NRXN1: variants seen among roughly 807,000 people sequenced by gnomAD.
NRXN1 encodes the protein neurexin-1.
A neutral mutation model predicts 150.9 loss-of-function variants in NRXN1; 39 were observed. That is an observed-to-expected ratio of 0.26 (90% confidence interval 0.20 to 0.34). The LOEUF is 0.34. NRXN1 is among the 10% of genes least tolerant of loss of function. The pLI is 1.00. For missense variants in NRXN1, 1,815 were observed against 1,949.9 expected (o/e 0.93, Z 1.30); for synonymous variants, 924 against 757.0 (o/e 1.22, Z -3.62).
intron 22 of NRXN1, among the ~76,000 whole-genome samples, chr2:49,925,409 C>A (rs984459563): frequency 6.6e-6 from 1 of 151,688 alleles, no homozygotes; most frequent in Non-Finnish European, 1.5e-5. Context: ...CTCTTATTGT[C>A]GCTAATGCTT....
At chr2:50,371,506 A>T (rs2080024216) in intron 17 of NRXN1, among the ~76,000 whole-genome samples, 1 of 152,034 alleles carries the variant, frequency 6.6e-6, no homozygotes, top group South Asian at 2.1e-4. Flanking sequence ...TAATCACTAC[A>T]CCTTAATTAT....
intron 17 of NRXN1, among the ~76,000 whole-genome samples, chr2:50,308,560 C>A (rs2074868563): frequency 6.6e-6 from 1 of 151,806 alleles, no homozygotes; most frequent in African/African-American, 2.4e-5. Flanking sequence ...TGCTATGTTG[C>A]CCAGGCAGCT....
intron 18 of NRXN1, among the ~76,000 whole-genome samples, chr2:50,129,709 A>G (rs1461278710): frequency 6.6e-6 from 1 of 152,220 alleles, no homozygotes; most frequent in Non-Finnish European, 1.5e-5. Context: ...ATAGATGCCC[A>G]GCAAAAAGAA....
At chr2:49,971,698 T>C (rs773486593) in intron 21 of NRXN1, among the ~76,000 whole-genome samples, 53 of 152,184 alleles carry the variant, frequency 3.5e-4, no homozygotes, top group Non-Finnish European at 6.2e-4. Context: ...GAGGAGCATA[T>C]TGCTGCTTAG....
intron 5 of NRXN1, among the ~76,000 whole-genome samples, chr2:50,667,872 G>A (rs547071603): frequency 6.6e-6 from 1 of 152,046 alleles, no homozygotes; most frequent in South Asian, 2.1e-4. Flanking sequence ...CAGTGACAAA[G>A]TTTACTAGCA....
intron 20 of NRXN1, 58 bp from the exon 21 acceptor site, chr2:50,053,648 A>G: frequency 2.0e-6 from 3 of 1,532,868 alleles, no homozygotes; most frequent in Non-Finnish European, 2.7e-6. Flanking sequence ...TATATCTACA[A>G]TGGATGATAA....
At chr2:50,828,590 A>G (rs1367315556) in intron 5 of NRXN1, among the ~76,000 whole-genome samples, 3 of 143,286 alleles carry the variant, frequency 2.1e-5, no homozygotes, top group African/African-American at 7.9e-5. Context: ...CATCCCAGAC[A>G]GGGCGGTGGG....
chr2:50,545,276 T>C (rs143455338), intron 9 of NRXN1, among the ~76,000 whole-genome samples: 100 of 152,348 alleles, frequency 6.6e-4, no homozygotes, highest in Middle Eastern at 3.4e-3. Flanking sequence ...CAGCAATGTA[T>C]AGACACATAT....
intron 18 of NRXN1, among the ~76,000 whole-genome samples, chr2:50,186,744 GAGGGT>G: frequency 6.6e-6 from 1 of 152,068 alleles, no homozygotes; most frequent in East Asian, 1.9e-4. Flanking sequence ...CGGAATTTGT[GAGGGT>G]ATAATATTCA....
chr2:50,673,079 T>C (rs1689079541), intron 5 of NRXN1, among the ~76,000 whole-genome samples: 1 of 152,158 alleles, frequency 6.6e-6, no homozygotes, highest in South Asian at 2.1e-4. Context: ...ATGTGATATT[T>C]GAAAGGAGTG....
intron 2 of NRXN1, among the ~76,000 whole-genome samples, chr2:50,958,068 G>A (rs897138989): frequency 2.0e-5 from 3 of 151,998 alleles, no homozygotes; most frequent in African/African-American, 4.8e-5. Flanking sequence ...TTTGTCTTGC[G>A]CAATTGTCTC....
At chr2:50,720,517 A>C (rs1404628991) in intron 5 of NRXN1, among the ~76,000 whole-genome samples, 1 of 152,160 alleles carries the variant, frequency 6.6e-6, no homozygotes, top group African/African-American at 2.4e-5. Flanking sequence ...GCTAGGAAAA[A>C]AATGCAGTGC....
intron 18 of NRXN1, among the ~76,000 whole-genome samples, chr2:50,137,418 A>G (rs950024303): frequency 6.6e-6 from 1 of 152,118 alleles, no homozygotes; most frequent in Non-Finnish European, 1.5e-5. Flanking sequence ...TCATGGATAG[A>G]TTAAGTCACT....
At chr2:50,317,873 C>G (rs1312689031) in intron 17 of NRXN1, among the ~76,000 whole-genome samples, 1 of 151,928 alleles carries the variant, frequency 6.6e-6, no homozygotes, top group East Asian at 1.9e-4. Context: ...TATTAGTTAA[C>G]ATTAGATGTT....
intron 2 of NRXN1, among the ~76,000 whole-genome samples, chr2:50,965,321 A>G (rs1048628351): frequency 1.3e-5 from 2 of 151,338 alleles, no homozygotes; most frequent in African/African-American, 4.8e-5. Context: ...AATGGGGAGT[A>G]TTAGCTCATT....
chr2:50,178,998 A>G lies in NRXN1; in HGVS notation c.3546+57791T>C, dbSNP rs550774858. Among the ~76,000 whole-genome samples, 73 of 152,266 alleles carry G rather than the reference A, an allele frequency of 4.8e-4. No homozygotes were observed. The South Asian group carries it at 0.015, about 31-fold the overall frequency. The stretch of plus-strand genomic sequence containing the variant: ...CAATGCTTGAGAACAGTTTATATTT[A>G]TAATTGTAATAAAAAAGAAAATACT... On this transcript the variant is annotated intron_variant, in intron 18 of 22. Coordinates refer to ENST00000401669, the MANE Select transcript of NRXN1 (RefSeq NM_001330078.2).
intron 2 of NRXN1, among the ~76,000 whole-genome samples, chr2:50,993,056 T>A (rs1276666745): frequency 1.3e-5 from 2 of 151,910 alleles, no homozygotes; most frequent in African/African-American, 4.8e-5. Flanking sequence ...TACAAGGACA[T>A]ACAAAGAGTA....
At position 50,921,672 on chromosome 2, in the gene NRXN1, G is replaced by GA. The variant is rs369253615; in HGVS notation, c.832+196dup. 1.9e-3 allele frequency among the ~76,000 whole-genome samples: 287 copies of GA among 150,728 alleles called. 3 individuals are homozygous for GA. Among genetic ancestry groups the GA allele is most frequent in the African/African-American group, 6.2e-3 (254 of 41,182 alleles). On this transcript the variant is annotated intron_variant, in intron 5 of 22. Transcript: ENST00000401669. ...GACATGAAAAAGATCACTCTAAAGA[G>GA]AAAAAAAAGGGTGGGGGCGAAAATG...
intron 5 of NRXN1, among the ~76,000 whole-genome samples, chr2:50,798,265 A>G (rs1707119901): frequency 6.6e-6 from 1 of 152,108 alleles, no homozygotes; most frequent in South Asian, 2.1e-4. Context: ...CCAAATCAAT[A>G]TTTTCCTCAA....
Sources: allele counts gnomAD v4.1 joint callset (sites outside exome capture counted in the v4.1 genomes callset), GRCh38; gene constraint gnomAD v4.1.1; transcripts MANE v1.5; gene names NCBI Gene and HGNC (gene_info 2026-07-23, HGNC 2026-07-21).